Variants in SLC38A6 observed in about 807,000 individuals in gnomAD.
SLC38A6 encodes the protein N system amino acid transporter NAT-1.
A neutral mutation model predicts 65.0 loss-of-function variants in SLC38A6; 73 were observed. The ratio of observed to expected loss-of-function variants is 1.12; its 90% CI spans 0.93 to 1.37. SLC38A6 has a LOEUF of 1.37. SLC38A6 is among the 40% of genes most tolerant of loss of function. SLC38A6 has a pLI of 0.00. For missense variants in SLC38A6, 561 were observed against 531.1 expected (o/e 1.06, Z -0.55); for synonymous variants, 183 against 178.8 (o/e 1.02, Z -0.19).
chr14:61,029,439 G>A (rs1450994777), intron 5 of SLC38A6, among the ~76,000 whole-genome samples: 3 of 152,034 alleles, frequency 2.0e-5, no homozygotes, highest in Admixed American at 6.6e-5. Flanking sequence ...CTTCATGGGC[G>A]TTTCCTTTTT....
chr14:61,005,978 A>C (rs1346643742), intron 3 of SLC38A6, among the ~76,000 whole-genome samples: 3 of 152,172 alleles, frequency 2.0e-5, no homozygotes, highest in Non-Finnish European at 4.4e-5. Flanking sequence ...ACCAAAACAG[A>C]GATATAGATC....
At chr14:60,982,094 G>T (rs373892990) in intron 1 of SLC38A6, 1 of 455,264 alleles carries the variant, frequency 2.2e-6, no homozygotes. Context: ...GAGATTAGTT[G>T]TGCAGTCCTA....
At position 61,021,269 on chromosome 14, in the gene SLC38A6, A is replaced by G. The variant is rs569794915; in HGVS notation, c.403+1689A>G. 2.2e-4 allele frequency among the ~76,000 whole-genome samples: 33 copies of G among 152,300 alleles called. No homozygotes were observed. In the East Asian group the frequency reaches 6.4e-3, roughly 29 times the overall value. On this transcript the variant is annotated intron_variant, in intron 5 of 15. Transcript: ENST00000267488. ...TAAGTACCTTAAATATTCTAGATAT[A>G]TTTATCAAGAAGAGAAAAGGGAAAT... is the stretch of plus-strand genomic sequence containing the variant.
intron 16 of SLC38A6, among the ~76,000 whole-genome samples, chr14:61,082,027 T>C (rs1463096006): frequency 6.6e-6 from 1 of 152,170 alleles, no homozygotes; most frequent in Non-Finnish European, 1.5e-5. Context: ...CTCGTGTTTA[T>C]GTGTAGTCCC....
At chr14:61,076,608 G>GT (rs1334652529) in intron 15 of SLC38A6, among the ~76,000 whole-genome samples, 1 of 152,206 alleles carries the variant, frequency 6.6e-6, no homozygotes, top group Non-Finnish European at 1.5e-5. Flanking sequence ...AACTGTTGGA[G>GT]TTTTTTTCTA....
intron 12 of SLC38A6, among the ~76,000 whole-genome samples, chr14:61,047,970 GATAGATACATACATACATAC>G (rs201042949): frequency 0.014 from 2,021 of 141,616 alleles, 21 homozygotes; most frequent in African/African-American, 0.027. Flanking sequence ...TAGATAGATA[GATAGATACATACATACATAC>G]ATACATACAT....
At chr14:61,002,964 C>T (rs891556195) in intron 3 of SLC38A6, among the ~76,000 whole-genome samples, 1 of 152,018 alleles carries the variant, frequency 6.6e-6, no homozygotes, top group Non-Finnish European at 1.5e-5. Flanking sequence ...GACATCACCA[C>T]ATCTTATTTT....
chr14:61,023,805 C>G (rs1486477848), intron 5 of SLC38A6, among the ~76,000 whole-genome samples: 1 of 151,890 alleles, frequency 6.6e-6, no homozygotes, highest in Non-Finnish European at 1.5e-5. Flanking sequence ...TGCCCTTGAT[C>G]AATATTTGTT....
chr14:61,074,840 A>G (rs551602952), intron 15 of SLC38A6, among the ~76,000 whole-genome samples: 3 of 151,770 alleles, frequency 2.0e-5, no homozygotes, highest in Non-Finnish European at 2.9e-5. Context: ...AATATCCTTA[A>G]TGTCTTTTTT....
chr14:61,001,066 T>G (rs1016031922), intron 3 of SLC38A6, among the ~76,000 whole-genome samples: 1 of 152,220 alleles, frequency 6.6e-6, no homozygotes, highest in African/African-American at 2.4e-5. Flanking sequence ...TGTGTACTTG[T>G]CTCATCCTTC....
At chr14:60,982,314 A>G (rs1345547866) in intron 1 of SLC38A6, 194 bp from the exon 2 acceptor site, 2 of 675,388 alleles carry the variant, frequency 3.0e-6, no homozygotes, top group East Asian at 3.2e-5. Context: ...AAGAAACCCT[A>G]GATTCCTGGA....
At chr14:61,024,825 G>A (rs533095172) in intron 5 of SLC38A6, among the ~76,000 whole-genome samples, 1 of 152,166 alleles carries the variant, frequency 6.6e-6, no homozygotes, top group Non-Finnish European at 1.5e-5. Context: ...GTCAATTGAT[G>A]TTATTTCTGG....
Position 61,063,110 on chromosome 14 carries a change from TTTTG to T in SLC38A6, c.1290+10987_1290+10990del, listed in dbSNP as rs771669511. 2.9e-4 allele frequency among the ~76,000 whole-genome samples: 44 copies of T among 152,298 alleles called. 1 individual carries two copies. The highest frequency in any genetic ancestry group is 5.1e-4 in the African/African-American group (21 of 41,558). On this transcript the variant is annotated intron_variant, in intron 15 of 16. Coordinates refer to the SLC38A6 transcript ENST00000354886. Reference sequence around the variant, plus strand: ...TGTTCTTAAATATATTGGGTCAATCTTTTGTTTGTTTGTTTTAAGAAATCAGTGT... The same window carrying T: ...TGTTCTTAAATATATTGGGTCAATCTTTTGTTTGTTTTAAGAAATCAGTGT...
At position 60,993,049 on chromosome 14, in the gene SLC38A6, C is replaced by T. The variant is rs756273811; in HGVS notation, c.310+8246C>T. Among the ~76,000 whole-genome samples the T allele has an allele frequency of 3.9e-4, 59 of 152,028 alleles. 2 individuals are homozygous for T. The highest frequency in any genetic ancestry group is 7.5e-4 in the Non-Finnish European group (51 of 68,006). On this transcript the variant is annotated intron_variant, in intron 3 of 15. Transcript: ENST00000267488. ...TTTTAGTAGAGACGGGGTTTTACAG[C>T]GTTGGCCAGGCTGGTATAGAACTCC...
intron 3 of SLC38A6, among the ~76,000 whole-genome samples, chr14:60,990,760 A>G (rs2037816143): frequency 6.6e-6 from 1 of 152,058 alleles, no homozygotes; most frequent in African/African-American, 2.4e-5. Context: ...AATCACAGGC[A>G]CACATCACCA....
rs759596620 is a variant in SLC38A6, at chr14:61,051,834, A to G, written c.1098A>G (p.Ser366=). 1.2e-6 allele frequency: 2 copies of G among 1,611,828 alleles called. No individual in the cohort carries two copies. Among genetic ancestry groups the G allele is most frequent in the African/African-American group, 2.7e-5 (2 of 74,798 alleles). The stretch of plus-strand genomic sequence containing the variant: ...TGTTTTTCTCCAATTTTCCATTCTC[A>G]TGGATTCGCCATTTTTTGATCACTC... The part of the protein sequence containing the change: ...TMMFFSNFPF[S]WIRHFLITLA... Residue 366 remains serine, a synonymous_variant, in exon 14 of 16, where the codon TCA becomes TCG. Transcript: ENST00000267488.
intron 4 of SLC38A6, among the ~76,000 whole-genome samples, chr14:61,018,982 A>T (rs1465744345): frequency 1.3e-5 from 2 of 152,168 alleles, no homozygotes; most frequent in Non-Finnish European, 2.9e-5. Flanking sequence ...ATTGTCTTAT[A>T]TTCAGCTTAA....
intron 15 of SLC38A6, among the ~76,000 whole-genome samples, chr14:61,078,293 G>A (rs752600002): frequency 2.0e-5 from 3 of 152,204 alleles, no homozygotes; most frequent in Non-Finnish European, 4.4e-5. Context: ...AAGTAAAATT[G>A]AAGGATAACC....
At chr14:61,001,317 G>T (rs904003177) in intron 3 of SLC38A6, among the ~76,000 whole-genome samples, 3 of 152,128 alleles carry the variant, frequency 2.0e-5, no homozygotes, top group African/African-American at 7.2e-5. Context: ...AGAAACCCTG[G>T]CAACATTATG....
Sources: allele counts gnomAD v4.1 joint callset (sites outside exome capture counted in the v4.1 genomes callset), GRCh38; gene constraint gnomAD v4.1.1; transcripts MANE v1.5; gene names NCBI Gene and HGNC (gene_info 2026-07-23, HGNC 2026-07-21).